RASA1: variants seen among roughly 807,000 people sequenced by gnomAD.
RASA1 encodes ras GTPase-activating protein 1.
Under a neutral mutation model 132.2 loss-of-function variants are expected in RASA1, and 25 were observed. The observed-to-expected ratio is 0.19, with a 90% CI of 0.14 to 0.26. The LOEUF is 0.26. Among genes scored for constraint, RASA1 ranks in the 10% least tolerant of loss-of-function variants. RASA1 has a pLI of 1.00. For missense variants in RASA1, 964 were observed against 1,299.2 expected, an observed-to-expected ratio of 0.74 and a Z score of 3.97; for synonymous variants, 477 against 449.9, an observed-to-expected ratio of 1.06 and a Z score of -0.76.
intron 9 of RASA1, among the ~76,000 whole-genome samples, chr5:87,357,878 C>A (rs1466614024): frequency 6.6e-6 from 1 of 152,072 alleles, no homozygotes; most frequent in East Asian, 1.9e-4. Context: ...TTGAATACTT[C>A]AGAAATAATT....
In RASA1 at chr5:87,335,693, T is replaced by C. The variant is rs564062614; in HGVS notation, c.900-2281T>C. On this transcript the variant is annotated intron_variant, in intron 4 of 24. Transcript: ENST00000274376. Reference sequence around the variant, plus strand: ...TGCCCGCCTTGGCCTCCCAAAGTGCTGGGATTGCAGGCATGAGCCATCGTG... The same window carrying C: ...TGCCCGCCTTGGCCTCCCAAAGTGCCGGGATTGCAGGCATGAGCCATCGTG... Among the ~76,000 whole-genome samples, 240 of 152,298 alleles carry C rather than the reference T, an allele frequency of 1.6e-3. 1 individual carries two copies. The highest frequency in any genetic ancestry group is 6.8e-3 in the Middle Eastern group (2 of 294).
intron 12 of RASA1, among the ~76,000 whole-genome samples, chr5:87,370,924 A>G (rs1760889987): frequency 6.6e-6 from 1 of 152,148 alleles, no homozygotes; most frequent in South Asian, 2.1e-4. Flanking sequence ...TTTATCAAAT[A>G]TCTCATTTAA....
intron 5 of RASA1, among the ~76,000 whole-genome samples, chr5:87,340,798 G>A (rs192714618): frequency 4.1e-4 from 63 of 152,194 alleles, no homozygotes; most frequent in African/African-American, 1.5e-3. Flanking sequence ...AGAACAAAAA[G>A]TACAAGCTAC....
intron 1 of RASA1, among the ~76,000 whole-genome samples, chr5:87,314,214 C>T (rs1433064976): frequency 1.3e-5 from 2 of 152,012 alleles, no homozygotes; most frequent in African/African-American, 4.8e-5. Flanking sequence ...AAAGAAAGTG[C>T]ATGTTTGGTT....
chr5:87,314,181 TAAAAAA>T (rs1046973202), intron 1 of RASA1, among the ~76,000 whole-genome samples: 2 of 151,516 alleles, frequency 1.3e-5, no homozygotes, highest in African/African-American at 4.9e-5. Context: ...CTCAAAAAGA[TAAAAAA>T]TAAAAAATAA....
intron 1 of RASA1, among the ~76,000 whole-genome samples, chr5:87,297,294 T>G (rs1755163712): frequency 6.6e-6 from 1 of 152,226 alleles, no homozygotes; most frequent in Admixed American, 6.5e-5. Context: ...TTCAAGCTGT[T>G]TTTTGCCTTT....
At chr5:87,310,279 G>A (rs1045907460) in intron 1 of RASA1, among the ~76,000 whole-genome samples, 1 of 152,062 alleles carries the variant, frequency 6.6e-6, no homozygotes, top group South Asian at 2.1e-4. Flanking sequence ...CCATAGATGT[G>A]TGATTCATCT....
At chr5:87,270,644 GC>G (rs1273145890) in intron 1 of RASA1, among the ~76,000 whole-genome samples, 3 of 125,726 alleles carry the variant, frequency 2.4e-5, no homozygotes, top group Non-Finnish European at 4.8e-5. Flanking sequence ...ACGGTGCCCG[GC>G]CTTTTTTTTT....
chr5:87,358,481 G>A (rs572252989), intron 9 of RASA1, among the ~76,000 whole-genome samples: 4 of 152,076 alleles, frequency 2.6e-5, no homozygotes, highest in Non-Finnish European at 5.9e-5. Context: ...TATCTAACCT[G>A]TCAGGAAGAT....
rs78008757 is a variant in RASA1 at position 87,272,758 on chromosome 5, A to G, written c.539+3768A>G. Among the ~76,000 whole-genome samples, 404 of 152,272 alleles carry G rather than the reference A, an allele frequency of 2.7e-3. 2 individuals are homozygous for G. The highest frequency in any genetic ancestry group is 9.5e-3 in the African/African-American group (394 of 41,552). On this transcript the variant is annotated intron_variant, in intron 1 of 24. Transcript: ENST00000274376. The stretch of plus-strand genomic sequence containing the variant: ...CAAATCAAGCCTACCACGATTAATT[A>G]TATTAAGAATTTTATTTTAACTTTA...
intron 6 of RASA1, among the ~76,000 whole-genome samples, chr5:87,345,965 T>C (rs1429106626): frequency 7.2e-5 from 11 of 152,152 alleles, no homozygotes; most frequent in Admixed American, 4.6e-4. Context: ...TAATTACTTT[T>C]TAAATCAGAT....
At chr5:87,375,513 G>A (rs1380742351) in intron 15 of RASA1, among the ~76,000 whole-genome samples, 2 of 152,020 alleles carry the variant, frequency 1.3e-5, no homozygotes, top group South Asian at 2.1e-4. Context: ...TGCCGGCCTC[G>A]GCCTCCCAAA....
intron 1 of RASA1, among the ~76,000 whole-genome samples, chr5:87,317,745 C>T (rs750027072): frequency 6.6e-6 from 1 of 151,884 alleles, no homozygotes; most frequent in Non-Finnish European, 1.5e-5. Flanking sequence ...AATTAATTCT[C>T]ATGCCTCAGC....
At position 87,352,665 on chromosome 5, in the gene RASA1, T is replaced by C. The variant is rs887890109; in HGVS notation, c.1254-492T>C. 2.6e-5 allele frequency among the ~76,000 whole-genome samples: 4 copies of C among 151,844 alleles called. 1 individual carries two copies. Among genetic ancestry groups the C allele is most frequent in the Non-Finnish European group, 5.9e-5 (4 of 67,844 alleles). On this transcript the variant is annotated intron_variant, in intron 8 of 24. Coordinates refer to ENST00000274376, the MANE Select transcript of RASA1 (RefSeq NM_002890.3). ...ATGTAAGATTAGCTGGGGGTTTTTTTCTTCTTTTTGCCTGCTTTTCATGTG... is the reference window on the plus strand; with the variant it reads ...ATGTAAGATTAGCTGGGGGTTTTTTCCTTCTTTTTGCCTGCTTTTCATGTG...
intron 1 of RASA1, among the ~76,000 whole-genome samples, chr5:87,305,642 A>T (rs1755572446): frequency 6.6e-6 from 1 of 152,250 alleles, no homozygotes; most frequent in African/African-American, 2.4e-5. Flanking sequence ...AATGGGATCC[A>T]GTTAAATGAA....
rs760847054 is a variant in RASA1 at position 87,346,744 on chromosome 5, C to G, written c.1102+20C>G. Reference sequence around the variant, plus strand: ...TGACAGGTACTTACATATTTACTTGCTTTTCTAATGTCTATTTAAAGAGAA... The same window carrying G: ...TGACAGGTACTTACATATTTACTTGGTTTTCTAATGTCTATTTAAAGAGAA... On this transcript the variant is annotated intron_variant, in intron 7 of 24. Transcript: ENST00000274376. 2 of 1,498,158 alleles carry G rather than the reference C, an allele frequency of 1.3e-6. No homozygotes were observed. Among genetic ancestry groups the G allele is most frequent in the East Asian group, 4.6e-5 (2 of 43,826 alleles). The allele number at this position is 1,498,158 out of a possible 1,614,324, so 92.8% of individuals were successfully genotyped here.
chr5:87,322,437 T>C (rs1408550601), intron 1 of RASA1, among the ~76,000 whole-genome samples: 2 of 152,234 alleles, frequency 1.3e-5, no homozygotes, highest in East Asian at 1.9e-4. Context: ...CCTGAAATCA[T>C]CTTCCCTGAC....
chr5:87,327,969 A>C (rs111793344), intron 1 of RASA1, among the ~76,000 whole-genome samples: 40 of 132,664 alleles, frequency 3.0e-4, no homozygotes, highest in African/African-American at 4.6e-4. Context: ...TCCGTTTCCC[A>C]AAAAAAAAAA....
In RASA1 at chr5:87,268,660, A is replaced by G. The variant is rs146525982; in HGVS notation, c.209A>G (p.Glu70Gly). 2,895 of 1,610,944 alleles carry G rather than the reference A, an allele frequency of 1.8e-3. 22 individuals are homozygous for G. Among genetic ancestry groups the G allele is most frequent in the East Asian group, 0.014 (634 of 44,776 alleles). Residue 70 changes from glutamate (E) to glycine (G), a missense_variant, in exon 1 of 25, where the codon GAG becomes GGG. Around this residue, in one of 6 missense-constraint regions of RASA1, gnomAD observed 326 missense variants for 275.8 expected, o/e 1.18. Transcript: ENST00000274376. ...GGTGGCGGAGCCGCTTTGGGGTCAG[A>G]GTTCCTAGGAGCCGGGTCTGTGGCA... ...TLGGGAALGS[E>G]FLGAGSVAGA...
Sources: gnomAD v4.1 joint callset for allele counts (sites outside exome capture counted in the v4.1 genomes callset) on GRCh38, gnomAD v4.1.1 for gene constraint, gnomAD v4.1.1 regional missense constraint, MANE v1.5 for transcripts, NCBI Gene and HGNC (gene_info 2026-07-23, HGNC 2026-07-21) for gene names.